Variants in ACOT7 observed in about 807,000 individuals in gnomAD.
The protein encoded by ACOT7 is acyl-CoA thioesterase 7, also known as cytosolic acyl coenzyme A thioester hydrolase.
Under a neutral mutation model 40.2 loss-of-function variants are expected in ACOT7, and 12 were observed. The ratio of observed to expected loss-of-function variants is 0.30; its 90% CI spans 0.19 to 0.48. The LOEUF (loss-of-function observed/expected upper bound fraction) is 0.48. Among genes scored for constraint, ACOT7 ranks in the 20% least tolerant of loss-of-function variants. The pLI is 0.99. For missense variants in ACOT7, 395 were observed against 530.8 expected (o/e 0.74, Z 2.51); for synonymous variants, 228 against 219.5 (o/e 1.04, Z -0.34).
At chr1:6,356,660 T>C (rs1641751920) in intron 1 of ACOT7, among the ~76,000 whole-genome samples, 1 of 152,110 alleles carries the variant, frequency 6.6e-6, no homozygotes, top group African/African-American at 2.4e-5. Flanking sequence ...GGCTCACACC[T>C]GTAATCCCAG....
intron 7 of ACOT7, among the ~76,000 whole-genome samples, chr1:6,290,899 G>A (rs1639643261): frequency 6.6e-6 from 1 of 152,154 alleles, no homozygotes; most frequent in Non-Finnish European, 1.5e-5. Context: ...CTCAAAAGTG[G>A]GGGGCCCCTG....
Position 6,323,734 on chromosome 1 carries a change from AAAAATATATAT to A in ACOT7, c.625+3554_625+3564del, listed in dbSNP as rs1461280094. On this transcript the variant is annotated intron_variant, in intron 5 of 8. Coordinates refer to ENST00000361521, the MANE Select transcript of ACOT7 (RefSeq NM_007274.4). The stretch of plus-strand genomic sequence containing the variant: ...CTTGTCTCAAAAAAAAAAAAAAAAA[AAAAATATATAT>A]ATATATATATATATATATATATATA... 7.6e-4 allele frequency among the ~76,000 whole-genome samples: 62 copies of A among 81,606 alleles called. No individual in the cohort carries two copies. In the South Asian group the frequency reaches 8.4e-3, roughly 11 times the overall value. 53.5% of individuals were successfully genotyped at this position (81,606 alleles called of 152,430 possible).
intron 1 of ACOT7, among the ~76,000 whole-genome samples, chr1:6,354,581 C>T (rs1309798456): frequency 1.3e-5 from 2 of 152,150 alleles, no homozygotes; most frequent in Non-Finnish European, 2.9e-5. Context: ...CAATCAGACA[C>T]TGTTTGGGGA....
chr1:6,349,458 A>T (rs1641524611), intron 2 of ACOT7, among the ~76,000 whole-genome samples: 1 of 152,232 alleles, frequency 6.6e-6, no homozygotes, highest in Non-Finnish European at 1.5e-5. Flanking sequence ...GCTTCTGATC[A>T]GGGCCAGGTT....
At chr1:6,341,809 G>A (rs573383179) in intron 2 of ACOT7, among the ~76,000 whole-genome samples, 51 of 152,282 alleles carry the variant, frequency 3.3e-4, no homozygotes, top group African/African-American at 1.2e-3. Flanking sequence ...GATTCAAAAT[G>A]TAAAAGGAAC....
chr1:6,295,066 C>G, intron 6 of ACOT7, 86 bp from the exon 7 acceptor site: 1 of 1,070,528 alleles, frequency 9.3e-7, no homozygotes, highest in Admixed American at 2.0e-5. Context: ...AACTCGAGCC[C>G]TCCCCTCCCA....
At chr1:6,327,231 G>A in intron 5 of ACOT7, 68 bp downstream of exon 5, 1 of 1,502,828 alleles carries the variant, frequency 6.7e-7, no homozygotes, top group African/African-American at 1.4e-5. Flanking sequence ...CGTAGGCCCG[G>A]CCTGCTCCTG....
chr1:6,268,904 C>T (rs189901611), intron 8 of ACOT7, among the ~76,000 whole-genome samples: 20 of 152,310 alleles, frequency 1.3e-4, no homozygotes, highest in Admixed American at 9.8e-4. Context: ...CCGCCGAGGG[C>T]GTGGGAGGAC....
At chr1:6,366,348 C>G (rs1021587820) in intron 1 of ACOT7, among the ~76,000 whole-genome samples, 19 of 151,980 alleles carry the variant, frequency 1.3e-4, no homozygotes, top group African/African-American at 4.6e-4. Context: ...TTTGGGACCC[C>G]GAGGTGGGAG....
At chr1:6,356,602 A>G (rs1641750670) in intron 1 of ACOT7, among the ~76,000 whole-genome samples, 1 of 152,238 alleles carries the variant, frequency 6.6e-6, no homozygotes, top group Non-Finnish European at 1.5e-5. Flanking sequence ...GAGTGTCACC[A>G]GTGTCTCTGA....
intron 1 of ACOT7, among the ~76,000 whole-genome samples, chr1:6,372,190 A>G (rs775675245): frequency 3.8e-4 from 58 of 152,094 alleles, no homozygotes; most frequent in Non-Finnish European, 7.1e-4. Flanking sequence ...CTTTCCTTCA[A>G]CCTCATGAAC....
intron 2 of ACOT7, among the ~76,000 whole-genome samples, chr1:6,345,952 G>T (rs1486012983): frequency 6.6e-6 from 1 of 152,236 alleles, no homozygotes; most frequent in Non-Finnish European, 1.5e-5. Flanking sequence ...TGATGCCTAA[G>T]CACGCTCTAT....
intron 2 of ACOT7, among the ~76,000 whole-genome samples, chr1:6,345,790 C>G (rs1641403302): frequency 6.6e-6 from 1 of 152,192 alleles, no homozygotes; most frequent in African/African-American, 2.4e-5. Context: ...GGGTTAAGAA[C>G]AGTGCCTGTC....
intron 5 of ACOT7, among the ~76,000 whole-genome samples, chr1:6,321,376 C>T (rs1387173251): frequency 2.6e-5 from 4 of 152,206 alleles, no homozygotes; most frequent in Admixed American, 6.5e-5. Context: ...CCACACCCAA[C>T]GTTCTTTCCA....
chr1:6,277,688 C>T (rs923723380), intron 8 of ACOT7, among the ~76,000 whole-genome samples: 1 of 152,380 alleles, frequency 6.6e-6, no homozygotes, highest in East Asian at 1.9e-4. Context: ...CTCCAGGCCT[C>T]CGCTGAGGCT....
chr1:6,378,184 G>A (rs1174669614), intron 1 of ACOT7, among the ~76,000 whole-genome samples: 2 of 145,746 alleles, frequency 1.4e-5, no homozygotes, highest in Non-Finnish European at 3.1e-5. Context: ...CTGGGTGCCC[G>A]AGAGGTAGTG....
intron 3 of ACOT7, among the ~76,000 whole-genome samples, chr1:6,337,499 TCCATATCTATTATGGG>T (rs1641137983): frequency 6.6e-6 from 1 of 152,228 alleles, no homozygotes; most frequent in Admixed American, 6.5e-5. Context: ...CACTATCGGT[TCCATATCTATTATGGG>T]CCAGCAGAAG....
chr1:6,332,321 G>A (rs1640977733), intron 4 of ACOT7, among the ~76,000 whole-genome samples: 2 of 152,358 alleles, frequency 1.3e-5, no homozygotes, highest in South Asian at 4.1e-4. Flanking sequence ...TGCGGGAGGA[G>A]CTGGTCACAT....
At chr1:6,350,099 A>T (rs1157522414) in intron 1 of ACOT7, among the ~76,000 whole-genome samples, 1 of 152,164 alleles carries the variant, frequency 6.6e-6, no homozygotes, top group African/African-American at 2.4e-5. Context: ...AGGAGGGCAG[A>T]GGGGCACTTT....
Sources: gnomAD v4.1 joint callset for allele counts (sites outside exome capture counted in the v4.1 genomes callset) on GRCh38, gnomAD v4.1.1 for gene constraint, MANE v1.5 for transcripts, NCBI Gene and HGNC (gene_info 2026-07-23, HGNC 2026-07-21) for gene names.